The following MNT variants were observed in gnomAD, a reference collection of about 807,000 sequenced individuals.
MNT encodes MAX network transcriptional repressor.
Under a neutral mutation model 40.7 loss-of-function variants are expected in MNT, and 13 were observed. That is an observed-to-expected ratio of 0.32 (90% CI 0.21 to 0.51). The LOEUF (loss-of-function observed/expected upper bound fraction) is 0.51, where lower values mean the gene tolerates loss of function less well. MNT is among the 20% of genes least tolerant of loss of function. The pLI, the probability that MNT is intolerant of heterozygous loss-of-function variation, is 0.98. For synonymous variants in MNT, 426 were observed against 354.8 expected, an observed-to-expected ratio of 1.20 and a Z score of -2.26; for missense variants, 757 against 792.0, an observed-to-expected ratio of 0.96 and a Z score of 0.53.
In MNT at chr17:2,387,274, A is replaced by G. The variant is rs1486004958; in HGVS notation, c.1376T>C (p.Leu459Pro). ...GATGTGCTTGCCGCCTGGCCCCTGCAGAACGTGGTTCACAGTCTGGATGAC... is the reference window on the plus strand; with the variant it reads ...GATGTGCTTGCCGCCTGGCCCCTGCGGAACGTGGTTCACAGTCTGGATGAC... ...ASVIQTVNHVLQGPGGKHIAH... is the reference protein window; with the variant it reads ...ASVIQTVNHVPQGPGGKHIAH... The change falls in exon 6 of 6, where the codon CTG (leucine) becomes CCG (proline). Residue 459 changes from leucine (L) to proline (P), a missense_variant. By Grantham distance (98) the Leu-to-Pro change is moderately conservative. Coordinates refer to ENST00000174618, the MANE Select transcript of MNT (RefSeq NM_020310.3). The G allele has an allele frequency of 6.2e-7, 1 of 1,613,220 alleles. No individual in the cohort carries two copies. The highest frequency in any genetic ancestry group is 8.5e-7 in the Non-Finnish European group (1 of 1,179,762).
intron 2 of MNT, 84 bp from the exon 3 acceptor site, chr17:2,394,430 C>G (rs1251326523): frequency 6.3e-7 from 1 of 1,593,868 alleles, no homozygotes; most frequent in Non-Finnish European, 8.6e-7. Flanking sequence ...CGCAAAATTG[C>G]CACAGGCTGT....
In MNT at chr17:2,395,190, G is replaced by C; in HGVS notation, c.338C>G (p.Pro113Arg). Reference sequence around the variant, plus strand: ...CGGCTGACGAGGCGCCAGGGGCAGAGGCTGGGCTGCCGCGGGCAAGGGTGG... The same window carrying C: ...CGGCTGACGAGGCGCCAGGGGCAGACGCTGGGCTGCCGCGGGCAAGGGTGG... ...PPPPLPAAAQ[P>R]LPLAPRQPAL... is the part of the protein sequence containing the mutation. Residue 113 changes from proline (P) to arginine (R), a missense_variant, in exon 2 of 6, where the codon CCT becomes CGT. Pro to Arg is a moderately radical substitution (Grantham distance 103). Coordinates refer to ENST00000174618, the MANE Select transcript of MNT (RefSeq NM_020310.3). The C allele has an allele frequency of 1.4e-6, 2 of 1,464,458 alleles. No homozygotes were observed. Among genetic ancestry groups the C allele is most frequent in the East Asian group, 2.4e-5 (1 of 40,908 alleles). The allele number at this position is 1,464,458 out of a possible 1,614,324, so 90.7% of individuals were successfully genotyped here.
chr17:2,400,022 C>T (rs1296665490), intron 1 of MNT, among the ~76,000 whole-genome samples: 4 of 152,230 alleles, frequency 2.6e-5, no homozygotes, highest in Non-Finnish European at 5.9e-5. Context: ...TCATAAGACA[C>T]GCGATGTCAT....
intron 4 of MNT, chr17:2,392,878 G>C (rs894793854): frequency 4.6e-5 from 7 of 152,094 alleles, no homozygotes; most frequent in African/African-American, 1.7e-4. Flanking sequence ...CGGGCGGAAG[G>C]GCGCGTTGGC....
At position 2,394,865 on chromosome 17, in the gene MNT, C is replaced by A. The variant is rs1257103281; in HGVS notation, c.653+10G>T. 2 of 1,559,932 alleles carry A rather than the reference C, an allele frequency of 1.3e-6. No individual in the cohort carries two copies. The highest frequency in any genetic ancestry group is 8.7e-7 in the Non-Finnish European group (1 of 1,152,158). On this transcript the variant is annotated intron_variant, in intron 2 of 5. Coordinates refer to ENST00000174618, the MANE Select transcript of MNT (RefSeq NM_020310.3). The stretch of plus-strand genomic sequence containing the variant: ...CCCCCACCAGCCCGACCCCGCCACA[C>A]CCCACTCACCCCCCGGGCCTCTTCT...
At chr17:2,389,085 C>T (rs987366178) in intron 4 of MNT, among the ~76,000 whole-genome samples, 1 of 151,936 alleles carries the variant, frequency 6.6e-6, no homozygotes, top group Non-Finnish European at 1.5e-5. Context: ...CTCCCTTTAC[C>T]CCCTAGATCT....
chr17:2,387,977 G>T lies in MNT; in HGVS notation c.880C>A (p.Gln294Lys). Reference sequence around the variant, plus strand: ...TCGTGCTTGAGCTCTGCCAGCCGCTGCTGCGTGGCAATCTTCTCACGTGCC... The same window carrying T: ...TCGTGCTTGAGCTCTGCCAGCCGCTTCTGCGTGGCAATCTTCTCACGTGCC... Reference protein sequence around the residue: ...RLAREKIATQQRLAELKHELS... With the variant: ...RLAREKIATQKRLAELKHELS... The change falls in exon 5 of 6, where the codon CAG (glutamine) becomes AAG (lysine). Residue 294 changes from glutamine (Q) to lysine (K), a missense_variant. Gln to Lys is a moderately conservative substitution (Grantham distance 53). Around this residue, in one of 4 missense-constraint regions of MNT, gnomAD observed 73 missense variants for 100.8 expected, o/e 0.72. Coordinates refer to ENST00000174618, the MANE Select transcript of MNT (RefSeq NM_020310.3). 6.3e-7 allele frequency: 1 copy of T among 1,593,742 alleles called. No individual in the cohort carries two copies.
Position 2,395,037 on chromosome 17 carries a change from T to C in MNT, c.491A>G (p.Lys164Arg), listed in dbSNP as rs774839279. Residue 164 changes from lysine (K) to arginine (R), a missense_variant, in exon 2 of 6, where the codon AAG becomes AGG. By Grantham distance (26) the Lys-to-Arg change is conservative. Around this residue, in one of 4 missense-constraint regions of MNT, gnomAD observed 335 missense variants for 291.4 expected, o/e 1.15. Coordinates refer to ENST00000174618, the MANE Select transcript of MNT (RefSeq NM_020310.3). ...AGGCGTGGGGAGGGGCTGCAAAGGC[T>C]TGGGGCTGCCATTGGGTGGAATGGT... ...KATIPPNGSP[K>R]PLQPLPTPVL... 3.8e-6 allele frequency: 6 copies of C among 1,586,876 alleles called. No individual in the cohort carries two copies. In the African/African-American group the frequency reaches 8.1e-5, roughly 21 times the overall value.
Position 2,387,046 on chromosome 17 carries a change from A to T in MNT, c.1604T>A (p.Leu535Gln). 1 of 1,555,676 alleles carries T rather than the reference A, an allele frequency of 6.4e-7. No individual in the cohort carries two copies. The highest frequency in any genetic ancestry group is 1.2e-5 in the South Asian group (1 of 84,460). The change falls in exon 6 of 6, where the codon CTG (leucine) becomes CAG (glutamine). Residue 535 changes from leucine (L) to glutamine (Q), a missense_variant. Leu to Gln is a moderately radical substitution (Grantham distance 113, BLOSUM62 -2). Transcript: ENST00000174618. The part of the protein sequence containing the change: ...SHQQVNGTAG[L>Q]GPPATVMAKP... ...TGCCATGACAGTAGCCGGGGGCCCC[A>T]GGCCGGCCGTGCCGTTGACTTGCTG...
intron 4 of MNT, among the ~76,000 whole-genome samples, chr17:2,393,139 ACC>A (rs57125154): frequency 0.32 from 30,390 of 96,450 alleles, 4,972 homozygotes; most frequent in African/African-American, 0.54. Flanking sequence ...CTCGCCGCCC[ACC>A]CCCCCCCCAA....
chr17:2,394,983 A>T lies in MNT; in HGVS notation c.545T>A (p.Val182Asp). The change falls in exon 2 of 6, where the codon GTC becomes GAC. Residue 182 changes from valine to aspartate, a missense_variant. Val to Asp is a radical substitution (Grantham distance 152). Transcript: ENST00000174618. ...PVLTIAPHPG[V>D]QPQLAPQQPP... ...CTGCTGGGGGGCCAGCTGAGGCTGG[A>T]CTCCAGGGTGTGGCGCTATGGTCAG... 6.2e-7 allele frequency: 1 copy of T among 1,606,222 alleles called. No homozygotes were observed. The highest frequency in any genetic ancestry group is 8.5e-7 in the Non-Finnish European group (1 of 1,176,846).
intron 1 of MNT, among the ~76,000 whole-genome samples, chr17:2,398,644 CAG>C: frequency 6.6e-6 from 1 of 152,374 alleles, no homozygotes; most frequent in East Asian, 1.9e-4. Context: ...GACCGGCACA[CAG>C]AAGTCGTGAC....
intron 1 of MNT, 45 bp from the exon 2 acceptor site, chr17:2,395,499 C>G: frequency 6.2e-7 from 1 of 1,602,980 alleles, no homozygotes; most frequent in East Asian, 2.2e-5. Context: ...AGCGGGGCCC[C>G]AGAACTCCAG....
Position 2,386,833 on chromosome 17 carries a change from G to T in MNT, c.*68C>A, listed in dbSNP as rs942549883. 7.1e-7 allele frequency: 1 copy of T among 1,418,060 alleles called. No homozygotes were observed. Among genetic ancestry groups the T allele is most frequent in the Middle Eastern group, 2.6e-4 (1 of 3,814 alleles). 87.8% of individuals were successfully genotyped at this position (1,418,060 alleles called of 1,614,324 possible). The stretch of plus-strand genomic sequence containing the variant: ...GGCCTGGCTGGAATGTGTGGAGCTG[G>T]TGGGTGAGAGAGTGGGGGACAGGTC... On this transcript the variant is annotated 3_prime_UTR_variant, in exon 6 of 6. Coordinates refer to ENST00000174618, the MANE Select transcript of MNT (RefSeq NM_020310.3).
rs761222162 is a variant in MNT, at chr17:2,394,359, C to T, written c.654-13G>A. On this transcript the variant is annotated splice_polypyrimidine_tract_variant and intron_variant, in intron 2 of 5. Transcript: ENST00000174618. ...TCTGGTTCCGATCCTGAAACCCAGACAGATAGGAGGCTCAGGGAGGAGGAC... is the reference window on the plus strand; with the variant it reads ...TCTGGTTCCGATCCTGAAACCCAGATAGATAGGAGGCTCAGGGAGGAGGAC... The T allele has an allele frequency of 4.3e-6, 7 of 1,613,836 alleles. No homozygotes were observed. Among genetic ancestry groups the T allele is most frequent in the African/African-American group, 1.3e-5 (1 of 74,894 alleles).
chr17:2,387,785 C>T (rs2066479655), intron 5 of MNT, 72 bp downstream of exon 5: 2 of 1,547,278 alleles, frequency 1.3e-6, no homozygotes, highest in East Asian at 2.3e-5. Flanking sequence ...AAGAAAGAGC[C>T]TGGCCAGGGA....
chr17:2,393,978 C>T (rs2066550518), intron 4 of MNT, 65 bp downstream of exon 4: 1 of 1,171,018 alleles, frequency 8.5e-7, no homozygotes, highest in Non-Finnish European at 1.2e-6. Flanking sequence ...CGGGGCGCGG[C>T]CGGGGGAGGG....
In MNT at chr17:2,394,884, CTCT is replaced by C. The variant is rs779667372; in HGVS notation, c.641_643del (p.Lys214del). The C allele has an allele frequency of 1.9e-6, 3 of 1,585,450 alleles. No individual in the cohort carries two copies. The highest frequency in any genetic ancestry group is 2.6e-6 in the Non-Finnish European group (3 of 1,166,596). On this transcript the variant is annotated inframe_deletion, in exon 2 of 6. Coordinates refer to ENST00000174618, the MANE Select transcript of MNT (RefSeq NM_020310.3). Reference sequence around the variant, plus strand: ...GCCACACCCCACTCACCCCCCGGGCCTCTTCTTCTGTTCACTGGATTTGACTTC... The same window carrying C: ...GCCACACCCCACTCACCCCCCGGGCCTCTTCTGTTCACTGGATTTGACTTC...
intron 4 of MNT, among the ~76,000 whole-genome samples, chr17:2,388,545 C>T (rs1393644423): frequency 6.6e-6 from 1 of 152,068 alleles, no homozygotes; most frequent in Non-Finnish European, 1.5e-5. Flanking sequence ...CTCCTGGCTG[C>T]TGGTCTGCAC....
Sources: allele counts gnomAD v4.1 joint callset (sites outside exome capture counted in the v4.1 genomes callset), GRCh38; gene constraint gnomAD v4.1.1; regional missense constraint gnomAD v4.1.1; transcripts MANE v1.5; gene names NCBI Gene and HGNC (gene_info 2026-07-23, HGNC 2026-07-21).